WHRN: variants seen among roughly 807,000 people sequenced by gnomAD.
WHRN encodes the protein CASK-interacting protein CIP98.
WHRN carries 41 observed loss-of-function variants against 68.3 expected under a neutral mutation model. The ratio of observed to expected loss-of-function variants is 0.60; its 90% CI spans 0.47 to 0.78. The LOEUF is 0.78. Ranked by LOEUF, WHRN falls within the 30% of genes least tolerant of loss-of-function variation. The probability of loss-of-function intolerance (pLI) is 0.00; values close to 1 mark genes in which losing one functional copy is unlikely to be tolerated. For synonymous variants in WHRN, 560 were observed against 561.3 expected, an observed-to-expected ratio of 1.00 and a Z score of 0.03; for missense variants, 1,243 against 1,244.7, an observed-to-expected ratio of 1.00 and a Z score of 0.02.
rs1326672300 is a variant in WHRN, at chr9:114,504,735, C to A, written c.67G>T (p.Gly23Trp). 6.6e-7 allele frequency: 1 copy of A among 1,509,296 alleles called. No homozygotes were observed. Among genetic ancestry groups the A allele is most frequent in the Non-Finnish European group, 8.8e-7 (1 of 1,138,564 alleles). The allele number at this position is 1,509,296 out of a possible 1,614,324, so 93.5% of individuals were successfully genotyped here. A position where few individuals can be genotyped will look rare whatever the true frequency, so the allele number is the denominator to read the frequency against. Reference protein sequence around the residue: ...SSTGSLGSAAGAGGGGGAGLR... With the variant: ...SSTGSLGSAAWAGGGGGAGLR... ...CCCGCGCCCCCGCCGCCGCCCGCCC[C>A]GGCCGCCGAGCCCAGCGAGCCGGTG... Residue 23 changes from glycine (G) to tryptophan (W), a missense_variant, in exon 1 of 12, where the codon GGG becomes TGG. Physicochemically the swap from Gly to Trp is radical, Grantham distance 184. Transcript: ENST00000362057.
At chr9:114,423,157 A>C (rs531314887) in intron 7 of WHRN, among the ~76,000 whole-genome samples, 157 bp downstream of exon 7, 1 of 152,128 alleles carries the variant, frequency 6.6e-6, no homozygotes, top group African/African-American at 2.4e-5. Flanking sequence ...AACAACTATT[A>C]GGTTTTTACA....
In WHRN at chr9:114,504,447, T is replaced by TGGC; in HGVS notation, c.352_354dup (p.Ala118dup). On this transcript the variant is annotated inframe_insertion, in exon 1 of 12. Coordinates refer to ENST00000362057, the MANE Select transcript of WHRN (RefSeq NM_015404.4). Reference sequence around the variant, plus strand: ...CAGGCGGGCTGCCTGTAGGGGGTGGTGGCGGGCAGGTAGAGGCCCTCGGCC... The same window carrying TGGC: ...CAGGCGGGCTGCCTGTAGGGGGTGGTGGCGGCGGGCAGGTAGAGGCCCTCGGCC... 6.2e-7 allele frequency: 1 copy of TGGC among 1,607,296 alleles called. No homozygotes were observed. The highest frequency in any genetic ancestry group is 8.5e-7 in the Non-Finnish European group (1 of 1,179,636).
chr9:114,479,064 C>T (rs1471351175), intron 1 of WHRN, among the ~76,000 whole-genome samples: 1 of 152,226 alleles, frequency 6.6e-6, no homozygotes, highest in Non-Finnish European at 1.5e-5. Flanking sequence ...GGCTCGTTTA[C>T]AAGGCCGGCC....
At position 114,435,686 on chromosome 9, in the gene WHRN, A is replaced by G. The variant is rs716260; in HGVS notation, c.964-9273T>C. ...AGAATCCAGTCTACCACCTGCTTCAAGCTGCTCTGTAGACCTGCAAGAATC... is the reference window on the plus strand; with the variant it reads ...AGAATCCAGTCTACCACCTGCTTCAGGCTGCTCTGTAGACCTGCAAGAATC... On this transcript the variant is annotated intron_variant, in intron 3 of 11. Transcript: ENST00000362057. Among the ~76,000 whole-genome samples, 1,151 of 152,266 alleles carry G rather than the reference A, an allele frequency of 7.6e-3. 14 individuals carry two copies. Among genetic ancestry groups the G allele is most frequent in the South Asian group, 0.034 (163 of 4,820 alleles).
chr9:114,476,417 G>A (rs1841654994), intron 2 of WHRN, among the ~76,000 whole-genome samples: 2 of 151,952 alleles, frequency 1.3e-5, no homozygotes, highest in Admixed American at 6.6e-5. Flanking sequence ...TTCAGTCCCC[G>A]AATGGCACAT....
chr9:114,405,437 C>T (rs969761585), intron 9 of WHRN, among the ~76,000 whole-genome samples: 2 of 152,176 alleles, frequency 1.3e-5, no homozygotes, highest in African/African-American at 4.8e-5. Context: ...ATAATAGTAC[C>T]AACCTCATAG....
At chr9:114,492,259 C>T (rs992697059) in intron 1 of WHRN, among the ~76,000 whole-genome samples, 1 of 152,196 alleles carries the variant, frequency 6.6e-6, no homozygotes, top group East Asian at 1.9e-4. Context: ...CGCCTCTCCC[C>T]CGAGCCAATG....
intron 7 of WHRN, among the ~76,000 whole-genome samples, chr9:114,412,546 C>G (rs1835522885): frequency 6.6e-6 from 1 of 152,264 alleles, no homozygotes; most frequent in African/African-American, 2.4e-5. Flanking sequence ...GGGCAGAAAG[C>G]TGAACTCTAT....
At chr9:114,466,223 G>A in intron 3 of WHRN, 44 bp downstream of exon 3, 1 of 1,612,396 alleles carries the variant, frequency 6.2e-7, no homozygotes, top group Non-Finnish European at 8.5e-7. Context: ...CAGCAGCAAA[G>A]AGCTCCATGC....
rs371832042 is a variant in WHRN at position 114,445,321 on chromosome 9, C to T, written c.964-18908G>A. 5.9e-5 allele frequency among the ~76,000 whole-genome samples: 9 copies of T among 152,258 alleles called. No individual in the cohort carries two copies. The East Asian group carries it at 7.7e-4, about 13-fold the overall frequency. ...CCACCCAAAGTTCTGGGATTACAGG[C>T]GTAAGCCACCACACCTGGGCTCTAA... On this transcript the variant is annotated intron_variant, in intron 3 of 11. Coordinates refer to ENST00000362057, the MANE Select transcript of WHRN (RefSeq NM_015404.4).
chr9:114,452,997 C>G (rs530981430), intron 3 of WHRN, among the ~76,000 whole-genome samples: 1 of 152,310 alleles, frequency 6.6e-6, no homozygotes, highest in African/African-American at 2.4e-5. Flanking sequence ...CTGACAGACT[C>G]TCCACACCTG....
intron 3 of WHRN, among the ~76,000 whole-genome samples, chr9:114,451,463 T>C (rs1371225754): frequency 6.6e-6 from 1 of 152,196 alleles, no homozygotes; most frequent in Non-Finnish European, 1.5e-5. Flanking sequence ...TGGACAGGGC[T>C]GGGCCTGCAG....
intron 3 of WHRN, 130 bp downstream of exon 3, chr9:114,466,137 G>T: frequency 7.0e-7 from 1 of 1,431,670 alleles, no homozygotes; most frequent in Non-Finnish European, 9.7e-7. Flanking sequence ...AGGTACAGCA[G>T]CCAGGGAGGG....
intron 7 of WHRN, 130 bp from the exon 8 acceptor site, chr9:114,408,148 C>T (rs1564118536): frequency 1.3e-6 from 1 of 742,114 alleles, no homozygotes. Flanking sequence ...CCTGACATAC[C>T]TCACTTCATC....
At chr9:114,408,131 T>C (rs1835173185) in intron 7 of WHRN, 113 bp from the exon 8 acceptor site, 4 of 839,808 alleles carry the variant, frequency 4.8e-6, no homozygotes, top group East Asian at 5.3e-5. Context: ...ATGTGGTTCA[T>C]GTGAGCCCTG....
At chr9:114,485,686 C>T (rs988151954) in intron 1 of WHRN, among the ~76,000 whole-genome samples, 4 of 149,890 alleles carry the variant, frequency 2.7e-5, no homozygotes, top group Admixed American at 6.7e-5. Context: ...AGCGAGACTC[C>T]GTCTCTAAAT....
At chr9:114,451,260 G>A (rs1839303563) in intron 3 of WHRN, among the ~76,000 whole-genome samples, 1 of 152,220 alleles carries the variant, frequency 6.6e-6, no homozygotes, top group South Asian at 2.1e-4. Flanking sequence ...TCAGCACAGA[G>A]GTAAGGCATG....
At chr9:114,431,554 C>A (rs1441294728) in intron 3 of WHRN, among the ~76,000 whole-genome samples, 1 of 152,200 alleles carries the variant, frequency 6.6e-6, no homozygotes, top group East Asian at 1.9e-4. Flanking sequence ...TGGGGGGACC[C>A]GGCCTTCCTC....
chr9:114,445,085 AG>A (rs1838707947), intron 3 of WHRN, among the ~76,000 whole-genome samples: 2 of 151,940 alleles, frequency 1.3e-5, no homozygotes, highest in African/African-American at 4.8e-5. Context: ...TCTGTCACCC[AG>A]GCTGGAGTGC....
Sources: allele counts gnomAD v4.1 joint callset (sites outside exome capture counted in the v4.1 genomes callset), GRCh38; gene constraint gnomAD v4.1.1; transcripts MANE v1.5; gene names NCBI Gene and HGNC (gene_info 2026-07-23, HGNC 2026-07-21).